SBK1: variants seen among roughly 807,000 people sequenced by gnomAD.
SBK1 encodes the protein SH3 domain binding kinase 1, also known as serine/threonine-protein kinase SBK1.
In SBK1, 11 loss-of-function variants were observed where a neutral mutation model predicts 24.4. That is an observed-to-expected ratio of 0.45 (90% CI 0.28 to 0.75). SBK1 has a LOEUF of 0.75. Among genes scored for constraint, SBK1 ranks in the 30% least tolerant of loss-of-function variants. The probability of loss-of-function intolerance (pLI) is 0.12; values close to 1 mark genes in which losing one functional copy is unlikely to be tolerated. For missense variants in SBK1, 467 were observed against 620.5 expected (o/e 0.75, Z 2.63); for synonymous variants, 308 against 284.4 (o/e 1.08, Z -0.83).
Position 28,320,724 on chromosome 16 carries a change from G to C in SBK1, c.1078G>C (p.Gly360Arg). 1 of 1,156,318 alleles carries C rather than the reference G, an allele frequency of 8.6e-7. No individual in the cohort carries two copies. 71.6% of individuals were successfully genotyped at this position (1,156,318 alleles called of 1,614,324 possible). Residue 360 changes from glycine (G) to arginine (R), a missense_variant, in exon 4 of 4, where the codon GGC (glycine) becomes CGC (arginine). Transcript: ENST00000341901. This position sits in a 1 kb window ranked among gnomAD's most constrained non-coding sequence, Gnocchi z 8.5. The part of the protein sequence containing the change: ...PLKRTVLTES[G>R]SGSRPAPPAV... ...CAAGCGGACGGTGCTGACCGAGAGC[G>C]GCAGCGGCTCCCGGCCCGCGCCCCC... is the stretch of plus-strand genomic sequence containing the variant.
chr16:28,321,272 C>T lies in SBK1; in HGVS notation c.*351C>T, dbSNP rs929491095. The stretch of plus-strand genomic sequence containing the variant: ...CAAGGGAGCTTTCGGGCCACACTCC[C>T]AGACGCCTCCCTGAGCCCTGGAACC... On this transcript the variant is annotated 3_prime_UTR_variant, in exon 4 of 4. Coordinates refer to ENST00000341901, the MANE Select transcript of SBK1 (RefSeq NM_001024401.3). The T allele has an allele frequency of 1.2e-5, 2 of 171,738 alleles. No homozygotes were observed. Among genetic ancestry groups the T allele is most frequent in the African/African-American group, 4.8e-5 (2 of 41,758 alleles). 10.6% of individuals were successfully genotyped at this position (171,738 alleles called of 1,614,324 possible).
intron 1 of SBK1, among the ~76,000 whole-genome samples, chr16:28,315,208 G>A (rs2044785946): frequency 6.6e-6 from 1 of 151,586 alleles, no homozygotes; most frequent in Admixed American, 6.6e-5. Flanking sequence ...AATGCCCAGA[G>A]TGGTTGCCTG....
In SBK1 at chr16:28,321,184, CACACACACACACACACACA is replaced by C; in HGVS notation, c.*264_*282del. The C allele has an allele frequency of 2.9e-4, 1 of 3,424 alleles. No individual in the cohort carries two copies. The allele number at this position is 3,424 out of a possible 1,614,324, so 0.2% of individuals were successfully genotyped here. Reference sequence around the variant, plus strand: ...CGAGAATTCGGAGGCCACCACACAACACACACACACACACACACACACACACACACACACACACACACAC... The same window carrying C: ...CGAGAATTCGGAGGCCACCACACAACCACACACACACACACACACACACAC... On this transcript the variant is annotated 3_prime_UTR_variant, in exon 4 of 4. Transcript: ENST00000341901.
intron 1 of SBK1, among the ~76,000 whole-genome samples, chr16:28,297,755 G>A (rs1015364630): frequency 1.3e-5 from 2 of 152,176 alleles, no homozygotes; most frequent in South Asian, 2.1e-4. Context: ...ATGGGGCGTC[G>A]GCAGGTGGGT....
chr16:28,297,540 C>T (rs895821696), intron 1 of SBK1, among the ~76,000 whole-genome samples: 3 of 152,186 alleles, frequency 2.0e-5, no homozygotes, highest in African/African-American at 4.8e-5. Flanking sequence ...GCTCTGGATT[C>T]TGCCTGGGCT....
In SBK1 at chr16:28,314,760, C is replaced by T. The variant is rs544168426; in HGVS notation, c.-7-2625C>T. ...TTTGGGAAGCCCAGGCGATGGATCACCTGAGGTCAAGAGTTCGAGATCAGC... is the reference window on the plus strand; with the variant it reads ...TTTGGGAAGCCCAGGCGATGGATCATCTGAGGTCAAGAGTTCGAGATCAGC... On this transcript the variant is annotated intron_variant, in intron 1 of 3. Transcript: ENST00000341901. Among the ~76,000 whole-genome samples, 9 of 152,248 alleles carry T rather than the reference C, an allele frequency of 5.9e-5. No individual in the cohort carries two copies. In the East Asian group the frequency reaches 1.7e-3, roughly 29 times the overall value.
intron 1 of SBK1, among the ~76,000 whole-genome samples, chr16:28,303,319 G>A (rs929634694): frequency 1.6e-4 from 24 of 152,082 alleles, no homozygotes; most frequent in Non-Finnish European, 2.8e-4. Flanking sequence ...TGCTGTGGTA[G>A]CTGAGAGGTG....
intron 1 of SBK1, among the ~76,000 whole-genome samples, chr16:28,273,947 G>A (rs570011396): frequency 6.6e-6 from 1 of 152,290 alleles, no homozygotes; most frequent in East Asian, 1.9e-4. Flanking sequence ...GTATTGCTAC[G>A]TGAAAGAAGC....
chr16:28,258,870 C>T (rs2044378246), upstream of SBK1: 3 of 152,916 alleles, frequency 2.0e-5, no homozygotes, highest in Non-Finnish European at 2.9e-5. Flanking sequence ...ACCCATGCCA[C>T]TCACCCCAGC....
At chr16:28,312,066 G>T (rs539052055) in intron 1 of SBK1, among the ~76,000 whole-genome samples, 1 of 152,380 alleles carries the variant, frequency 6.6e-6, no homozygotes, top group South Asian at 2.1e-4. Flanking sequence ...CTGTATGCAC[G>T]TGGACCGCCC....
chr16:28,262,432 G>A (rs1366238894), intron 1 of SBK1, among the ~76,000 whole-genome samples: 2 of 152,214 alleles, frequency 1.3e-5, no homozygotes, highest in Non-Finnish European at 2.9e-5. Context: ...CATTTGTAGG[G>A]AAAGAAAGGC....
At chr16:28,295,345 C>T (rs922451279) in intron 1 of SBK1, among the ~76,000 whole-genome samples, 2 of 152,146 alleles carry the variant, frequency 1.3e-5, no homozygotes, top group African/African-American at 4.8e-5. Flanking sequence ...GCCTCCGTCA[C>T]GTGCTCTTCC....
At chr16:28,276,635 T>C (rs1012793404) in intron 1 of SBK1, among the ~76,000 whole-genome samples, 1 of 151,644 alleles carries the variant, frequency 6.6e-6, no homozygotes, top group Non-Finnish European at 1.5e-5. Flanking sequence ...GGTGGTGGAT[T>C]GAAGTTTTTA....
chr16:28,281,784 G>C (rs2044534515), intron 1 of SBK1, among the ~76,000 whole-genome samples: 1 of 152,182 alleles, frequency 6.6e-6, no homozygotes, highest in South Asian at 2.1e-4. Flanking sequence ...TAAATAAGTG[G>C]GTGGGCATGA....
intron 1 of SBK1, among the ~76,000 whole-genome samples, chr16:28,272,947 T>C (rs1025683572): frequency 3.9e-5 from 6 of 152,042 alleles, no homozygotes; most frequent in Admixed American, 3.9e-4. Flanking sequence ...AAGGCTTAAT[T>C]GTAGTAGTCC....
chr16:28,264,164 G>A (rs1374730940), intron 1 of SBK1, among the ~76,000 whole-genome samples: 1 of 152,116 alleles, frequency 6.6e-6, no homozygotes, highest in Non-Finnish European at 1.5e-5. Context: ...AACAAACATT[G>A]GAGACAAATC....
At chr16:28,309,140 T>G (rs1259905482) in intron 1 of SBK1, among the ~76,000 whole-genome samples, 3 of 152,070 alleles carry the variant, frequency 2.0e-5, no homozygotes, top group Admixed American at 6.6e-5. Context: ...CCCAGGTGCT[T>G]CTTCTCTTGT....
intron 1 of SBK1, among the ~76,000 whole-genome samples, chr16:28,316,846 T>C (rs2044799931): frequency 6.6e-6 from 1 of 152,128 alleles, no homozygotes; most frequent in Admixed American, 6.5e-5. Context: ...GCCACTGCAC[T>C]CCAGCCTGGG....
rs146768625 is a variant in SBK1, at chr16:28,259,802, G to A, written c.257+300G>A. Among the ~76,000 whole-genome samples, 126 of 152,178 alleles carry A rather than the reference G, an allele frequency of 8.3e-4. No individual in the cohort carries two copies. The highest frequency in any genetic ancestry group is 2.9e-3 in the Admixed American group (44 of 15,286). On this transcript the variant is annotated intron_variant, in intron 1 of 3. Transcript: ENST00000671413. The surrounding 1 kb of genome is among the most constrained non-coding windows in gnomAD (Gnocchi z 6.0). ...CTCCCGTGGGATAAAGTTAACACTC[G>A]GCTGAGCATTCAAGGCCTGCGTGAT...
Sources: gnomAD v4.1 joint callset for allele counts (sites outside exome capture counted in the v4.1 genomes callset) on GRCh38, gnomAD v4.1.1 for gene constraint, Gnocchi (gnomAD v3.1) non-coding constraint, MANE v1.5 for transcripts, NCBI Gene and HGNC (gene_info 2026-07-23, HGNC 2026-07-21) for gene names.